The following ZNF708 variants were observed in gnomAD, a reference collection of about 807,000 sequenced individuals.
ZNF708 encodes zinc finger protein 708, also known as ZNF15, ZNF15L1.
In ZNF708, 44 loss-of-function variants were observed where a neutral mutation model predicts 47.0. That is an observed-to-expected ratio of 0.94 (90% CI 0.74 to 1.20). The LOEUF (loss-of-function observed/expected upper bound fraction) is 1.20, where lower values mean the gene tolerates loss of function less well. ZNF708 is among the 50% of genes most tolerant of loss of function. The pLI is 0.00. For synonymous variants in ZNF708, 184 were observed against 218.5 expected (o/e 0.84, Z 1.39); for missense variants, 557 against 656.0 (o/e 0.85, Z 1.65).
At chr19:21,296,416 C>T (rs955035139) in intron 3 of ZNF708, among the ~76,000 whole-genome samples, 2 of 152,036 alleles carry the variant, frequency 1.3e-5, no homozygotes, top group Non-Finnish European at 2.9e-5. Context: ...GCAGGAGAAT[C>T]GGTTGGACCT....
chr19:21,320,910 G>C (rs979972146), intron 1 of ZNF708, among the ~76,000 whole-genome samples: 34 of 152,078 alleles, frequency 2.2e-4, no homozygotes, highest in African/African-American at 8.2e-4. Flanking sequence ...GGGAGGCCGA[G>C]GCGGGTGGAT....
chr19:21,305,079 C>A (rs1035619085), intron 3 of ZNF708, among the ~76,000 whole-genome samples: 3 of 148,578 alleles, frequency 2.0e-5, no homozygotes, highest in Non-Finnish European at 4.5e-5. Flanking sequence ...AGTGTGATCT[C>A]GGCTCACTAC....
At chr19:21,323,943 G>A (rs543629060) in intron 1 of ZNF708, among the ~76,000 whole-genome samples, 2 of 152,302 alleles carry the variant, frequency 1.3e-5, no homozygotes, top group South Asian at 2.1e-4. Context: ...CTTGGTCTTT[G>A]AAACTTAAGT....
At chr19:21,311,955 A>G (rs1972907046) in intron 1 of ZNF708, among the ~76,000 whole-genome samples, 1 of 152,104 alleles carries the variant, frequency 6.6e-6, no homozygotes, top group African/African-American at 2.4e-5. Flanking sequence ...TGAACCCCTC[A>G]TACTCAATTC....
At chr19:21,301,471 C>T (rs530109239) in intron 3 of ZNF708, among the ~76,000 whole-genome samples, 3 of 152,072 alleles carry the variant, frequency 2.0e-5, no homozygotes, top group African/African-American at 7.2e-5. Context: ...AAAAAATTAG[C>T]CAGGCATGGT....
chr19:21,316,068 CAA>C (rs71176850), intron 1 of ZNF708, among the ~76,000 whole-genome samples: 1 of 139,012 alleles, frequency 7.2e-6, no homozygotes, highest in Non-Finnish European at 1.5e-5. Flanking sequence ...AAACCTGTCT[CAA>C]AAAAAAAAAA....
chr19:21,304,258 G>GT (rs35296332), intron 3 of ZNF708, among the ~76,000 whole-genome samples: 4,015 of 139,020 alleles, frequency 0.029, 127 homozygotes, highest in African/African-American at 0.084. Flanking sequence ...AAGAAGCCAG[G>GT]TTTTTTTTTT....
intron 1 of ZNF708, among the ~76,000 whole-genome samples, chr19:21,318,008 GCCGT>G (rs913988315): frequency 3.9e-5 from 6 of 152,124 alleles, no homozygotes; most frequent in Non-Finnish European, 8.8e-5. Flanking sequence ...ACTCCTGCTT[GCCGT>G]CTACTTATGG....
intron 1 of ZNF708, among the ~76,000 whole-genome samples, chr19:21,313,696 T>C (rs745663937): frequency 1.1e-4 from 16 of 149,690 alleles, no homozygotes; most frequent in Non-Finnish European, 1.0e-4. Flanking sequence ...AGGTGGAGGT[T>C]GCAGTGAGCC....
At chr19:21,317,637 C>T (rs1973042657) in intron 1 of ZNF708, among the ~76,000 whole-genome samples, 1 of 152,168 alleles carries the variant, frequency 6.6e-6, no homozygotes, top group South Asian at 2.1e-4. Flanking sequence ...TTTTATTACA[C>T]AATTAAACCA....
intron 3 of ZNF708, among the ~76,000 whole-genome samples, chr19:21,307,167 A>C (rs550878253): frequency 6.8e-4 from 100 of 147,460 alleles, no homozygotes; most frequent in Non-Finnish European, 1.3e-3. Flanking sequence ...ATATAAAATA[A>C]AATAAAATAA....
At chr19:21,310,721 G>C (rs1474139922) in intron 1 of ZNF708, 94 bp from the exon 2 acceptor site, 24 of 1,083,634 alleles carry the variant, frequency 2.2e-5, no homozygotes, top group Non-Finnish European at 2.9e-5. Flanking sequence ...AAAGAGAACT[G>C]GTTCTGACTT....
intron 1 of ZNF708, among the ~76,000 whole-genome samples, chr19:21,314,496 C>G (rs1344143507): frequency 6.6e-6 from 1 of 151,906 alleles, no homozygotes; most frequent in East Asian, 1.9e-4. Flanking sequence ...ATAAAGTGGC[C>G]CAAATAAAGC....
At chr19:21,298,177 C>CA (rs1972579082) in intron 3 of ZNF708, among the ~76,000 whole-genome samples, 3 of 151,988 alleles carry the variant, frequency 2.0e-5, no homozygotes. Context: ...CAGTATGGAA[C>CA]AATTATTTCT....
Position 21,293,831 on chromosome 19 carries a change from G to T in ZNF708, c.1135C>A (p.Leu379Ile). 6.2e-7 allele frequency: 1 copy of T among 1,613,142 alleles called. No individual in the cohort carries two copies. The highest frequency in any genetic ancestry group is 8.5e-7 in the Non-Finnish European group (1 of 1,179,790). The change falls in exon 4 of 4, where the codon CTT becomes ATT. Residue 379 changes from leucine to isoleucine, a missense_variant. Leu to Ile is a conservative substitution (Grantham distance 5). Coordinates refer to ENST00000356929, the MANE Select transcript of ZNF708 (RefSeq NM_021269.3). ...CGKAFNRSSH[L>I]TNHKVIHTGE... ...GTATGAATTACCTTATGATTAGTAA[G>T]GTGTGAGGACCGGTTAAAAGCTTTG...
chr19:21,313,452 T>C (rs528448136), intron 1 of ZNF708, among the ~76,000 whole-genome samples: 7 of 152,124 alleles, frequency 4.6e-5, no homozygotes, highest in Non-Finnish European at 7.4e-5. Context: ...TTCTCTGTCA[T>C]TGGTTTTTTA....
chr19:21,328,515 G>C (rs757868068), intron 1 of ZNF708, among the ~76,000 whole-genome samples: 13 of 152,166 alleles, frequency 8.5e-5, no homozygotes, highest in Non-Finnish European at 1.5e-4. Flanking sequence ...GACCCCGCTT[G>C]GAACGCATGT....
At chr19:21,322,162 G>A (rs1973161002) in intron 1 of ZNF708, among the ~76,000 whole-genome samples, 1 of 152,178 alleles carries the variant, frequency 6.6e-6, no homozygotes, top group South Asian at 2.1e-4. Context: ...AATTCCTGAG[G>A]GTGGTGCCTA....
At position 21,327,682 on chromosome 19, in the gene ZNF708, C is replaced by T. The variant is rs936610931; in HGVS notation, c.3+1528G>A. Among the ~76,000 whole-genome samples, 13 of 152,148 alleles carry T rather than the reference C, an allele frequency of 8.5e-5. No homozygotes were observed. In the East Asian group the frequency reaches 2.3e-3, roughly 27 times the overall value. On this transcript the variant is annotated intron_variant, in intron 1 of 3. Transcript: ENST00000356929. ...CATTTTACTTTGTAAGTTCTTGCAC[C>T]ATCTCACTTGGGTCAGGTTTTTCTT...
Sources: allele counts gnomAD v4.1 joint callset (sites outside exome capture counted in the v4.1 genomes callset), GRCh38; gene constraint gnomAD v4.1.1; transcripts MANE v1.5; gene names NCBI Gene and HGNC (gene_info 2026-07-23, HGNC 2026-07-21).